PKNOX2: variants seen among roughly 807,000 people sequenced by gnomAD.
PKNOX2 encodes the protein homeobox protein PKNOX2.
PKNOX2 carries 14 observed loss-of-function variants against 53.1 expected under a neutral mutation model. The ratio of observed to expected loss-of-function variants is 0.26; its 90% CI spans 0.17 to 0.41. PKNOX2 has a LOEUF of 0.41. Ranked by LOEUF, PKNOX2 falls within the 10% of genes least tolerant of loss-of-function variation. PKNOX2 has a pLI of 1.00. For missense variants in PKNOX2, 496 were observed against 602.8 expected, an observed-to-expected ratio of 0.82 and a Z score of 1.85; for synonymous variants, 257 against 242.8, an observed-to-expected ratio of 1.06 and a Z score of -0.54.
intron 5 of PKNOX2, among the ~76,000 whole-genome samples, chr11:125,376,571 C>CA (rs1470741134): frequency 6.6e-6 from 1 of 152,210 alleles, no homozygotes; most frequent in Non-Finnish European, 1.5e-5. Flanking sequence ...TGCCAGATGG[C>CA]AAAATCTGTT....
intron 1 of PKNOX2, among the ~76,000 whole-genome samples, chr11:125,181,416 G>A (rs1477305815): frequency 6.6e-6 from 1 of 152,250 alleles, no homozygotes; most frequent in Non-Finnish European, 1.5e-5. Context: ...CCTGAAGGAA[G>A]CAGAATGTTT....
chr11:125,295,748 G>A (rs1014200441), intron 2 of PKNOX2, among the ~76,000 whole-genome samples: 1 of 152,278 alleles, frequency 6.6e-6, no homozygotes, highest in African/African-American at 2.4e-5. Flanking sequence ...ACTGGGGCTC[G>A]CATGGACTGC....
chr11:125,194,462 AC>A (rs1667622098), intron 1 of PKNOX2, among the ~76,000 whole-genome samples: 1 of 148,062 alleles, frequency 6.8e-6, no homozygotes, highest in Non-Finnish European at 1.5e-5. Flanking sequence ...CCAGTCCCCC[AC>A]CCCCACCCTG....
chr11:125,318,926 C>T (rs370263324), intron 2 of PKNOX2, among the ~76,000 whole-genome samples: 3 of 152,278 alleles, frequency 2.0e-5, no homozygotes, highest in African/African-American at 7.2e-5. Context: ...CCTTGCTTCC[C>T]CTTCACCTTC....
intron 3 of PKNOX2, among the ~76,000 whole-genome samples, chr11:125,343,634 G>T (rs998264493): frequency 2.6e-5 from 4 of 152,194 alleles, no homozygotes; most frequent in African/African-American, 9.7e-5. Context: ...GACAATTGCC[G>T]CTATCAGGGG....
intron 2 of PKNOX2, among the ~76,000 whole-genome samples, chr11:125,267,683 T>G (rs1945464187): frequency 6.6e-6 from 1 of 152,196 alleles, no homozygotes; most frequent in African/African-American, 2.4e-5. Flanking sequence ...TGCTCATCTT[T>G]CTGATGGAGG....
At position 125,195,812 on chromosome 11, in the gene PKNOX2, A is replaced by G. The variant is rs147933904; in HGVS notation, c.-201+31036A>G. ...ACTGGTTTTGAATGTCAGGGTTCTT[A>G]AAGTGTTTGTGCGATGGCCTCCTTG... On this transcript the variant is annotated intron_variant, in intron 1 of 12. Coordinates refer to ENST00000298282, the MANE Select transcript of PKNOX2 (RefSeq NM_001382323.2). Among the ~76,000 whole-genome samples, 303 of 151,756 alleles carry G rather than the reference A, an allele frequency of 2.0e-3. 1 individual carries two copies. Among genetic ancestry groups the G allele is most frequent in the African/African-American group, 7.0e-3 (291 of 41,438 alleles).
At position 125,181,619 on chromosome 11, in the gene PKNOX2, T is replaced by C. The variant is rs147149538; in HGVS notation, c.-201+16843T>C. On this transcript the variant is annotated intron_variant, in intron 1 of 12. Transcript: ENST00000298282. ...GAGGGCTGGGAGGAGGACTTGGCAC[T>C]GGCCTGGCCTCTGTCTCCCATAGAA... Among the ~76,000 whole-genome samples the C allele has an allele frequency of 1.8e-3, 280 of 152,372 alleles. 1 individual carries two copies. The highest frequency in any genetic ancestry group is 6.5e-3 in the African/African-American group (269 of 41,594).
chr11:125,264,825 C>T (rs1421476559), intron 2 of PKNOX2, among the ~76,000 whole-genome samples: 8 of 152,212 alleles, frequency 5.3e-5, no homozygotes, highest in East Asian at 1.9e-4. Context: ...CTCGAGAAGG[C>T]GGCCGATTTT....
intron 1 of PKNOX2, among the ~76,000 whole-genome samples, chr11:125,213,639 G>GTAATTTTTT (rs1409626225): frequency 1.3e-4 from 19 of 151,964 alleles, no homozygotes; most frequent in African/African-American, 4.3e-4. Context: ...TGTAATTTTT[G>GTAATTTTTT]TAAAGACAAG....
At chr11:125,186,926 G>A (rs142677299) in intron 1 of PKNOX2, among the ~76,000 whole-genome samples, 65 of 152,226 alleles carry the variant, frequency 4.3e-4, no homozygotes, top group East Asian at 1.2e-3. Context: ...ATTCTTTTGC[G>A]TATGGAAATC....
intron 10 of PKNOX2, among the ~76,000 whole-genome samples, chr11:125,413,391 A>G (rs1443226321): frequency 6.6e-6 from 1 of 152,184 alleles, no homozygotes; most frequent in Non-Finnish European, 1.5e-5. Flanking sequence ...CCTGAGAGCC[A>G]GGGGGCTCAG....
intron 1 of PKNOX2, among the ~76,000 whole-genome samples, chr11:125,178,565 C>CGAAGGAAG (rs1176892919): frequency 1.4e-3 from 87 of 60,348 alleles, no homozygotes; most frequent in East Asian, 2.7e-3. Context: ...AAGGAAGGAA[C>CGAAGGAAG]GAAGGAAGGA....
intron 2 of PKNOX2, among the ~76,000 whole-genome samples, chr11:125,248,337 GAGC>G (rs1327598929): frequency 1.3e-5 from 2 of 152,108 alleles, no homozygotes; most frequent in Admixed American, 1.3e-4. Flanking sequence ...TTGGTATACT[GAGC>G]AGACTGGAAT....
At position 125,229,341 on chromosome 11, in the gene PKNOX2, G is replaced by A. The variant is rs143589386; in HGVS notation, c.-200-5704G>A. ...GACATGTGCCCAGTTAAAAGGAGGCGGCTGATACTCTACCTCATCCAATGA... is the reference window on the plus strand; with the variant it reads ...GACATGTGCCCAGTTAAAAGGAGGCAGCTGATACTCTACCTCATCCAATGA... On this transcript the variant is annotated intron_variant, in intron 1 of 12. Transcript: ENST00000298282. Among the ~76,000 whole-genome samples the A allele has an allele frequency of 2.0e-3, 300 of 152,326 alleles. 1 individual carries two copies. Among genetic ancestry groups the A allele is most frequent in the Non-Finnish European group, 3.0e-3 (206 of 68,038 alleles).
At chr11:125,386,891 C>T (rs1448578625) in intron 6 of PKNOX2, among the ~76,000 whole-genome samples, 4 of 152,124 alleles carry the variant, frequency 2.6e-5, no homozygotes, top group Non-Finnish European at 5.9e-5. Flanking sequence ...TAGCCAGAAG[C>T]TTTGTGAAGT....
chr11:125,312,392 T>C (rs67233403), intron 2 of PKNOX2, among the ~76,000 whole-genome samples: 18,002 of 152,092 alleles, frequency 0.12, 1,391 homozygotes, highest in East Asian at 0.31. Context: ...CCCATTTCAG[T>C]TGGGGCTGAA....
At chr11:125,409,142 T>C (rs1274594628) in intron 7 of PKNOX2, among the ~76,000 whole-genome samples, 1 of 152,148 alleles carries the variant, frequency 6.6e-6, no homozygotes, top group Admixed American at 6.5e-5. Context: ...CTGCCTTTTT[T>C]CTTCTCCGAA....
intron 7 of PKNOX2, among the ~76,000 whole-genome samples, chr11:125,402,990 C>T (rs1954844677): frequency 6.6e-6 from 1 of 152,198 alleles, no homozygotes; most frequent in Non-Finnish European, 1.5e-5. Context: ...GGTGGCATTT[C>T]AGGCAGGCTT....
Sources: gnomAD v4.1 joint callset for allele counts (sites outside exome capture counted in the v4.1 genomes callset) on GRCh38, gnomAD v4.1.1 for gene constraint, MANE v1.5 for transcripts, NCBI Gene and HGNC (gene_info 2026-07-23, HGNC 2026-07-21) for gene names.